Variants in GRM7 observed in about 807,000 individuals in gnomAD.
GRM7 encodes glutamate metabotropic receptor 7, also known as metabotropic glutamate receptor 7.
In GRM7, 35 loss-of-function variants were observed where a neutral mutation model predicts 84.5. The ratio of observed to expected loss-of-function variants is 0.41; its 90% CI spans 0.32 to 0.55. The LOEUF (loss-of-function observed/expected upper bound fraction) is 0.55, where lower values mean the gene tolerates loss of function less well. GRM7 is among the 20% of genes least tolerant of loss of function. The probability of loss-of-function intolerance (pLI) is 0.19; values close to 1 mark genes in which losing one functional copy is unlikely to be tolerated. For missense variants in GRM7, 1,003 were observed against 1,194.6 expected (o/e 0.84, Z 2.36); for synonymous variants, 487 against 455.1 (o/e 1.07, Z -0.89).
At chr3:7,145,364 G>C (rs1694075094) in intron 1 of GRM7, among the ~76,000 whole-genome samples, 1 of 152,086 alleles carries the variant, frequency 6.6e-6, no homozygotes, top group Non-Finnish European at 1.5e-5. Context: ...AGACAAAGAA[G>C]GGAACAAATG....
chr3:7,066,501 A>G (rs1697669985), intron 1 of GRM7, among the ~76,000 whole-genome samples: 1 of 151,922 alleles, frequency 6.6e-6, no homozygotes, highest in African/African-American at 2.4e-5. Context: ...GAACAGACCA[A>G]TAACAAGCAG....
At chr3:7,380,644 C>T (rs77327439) in intron 4 of GRM7, among the ~76,000 whole-genome samples, 1 of 152,150 alleles carries the variant, frequency 6.6e-6, no homozygotes, top group Non-Finnish European at 1.5e-5. Context: ...GATGAGGGCT[C>T]CAGGCCCTCC....
intron 7 of GRM7, among the ~76,000 whole-genome samples, chr3:7,498,856 C>T (rs1699790836): frequency 6.6e-6 from 1 of 152,186 alleles, no homozygotes; most frequent in African/African-American, 2.4e-5. Flanking sequence ...CAGAGCCCTC[C>T]ACTTTCTGTT....
intron 1 of GRM7, among the ~76,000 whole-genome samples, chr3:7,071,421 C>G (rs1283821997): frequency 6.6e-6 from 1 of 152,094 alleles, no homozygotes; most frequent in Admixed American, 6.6e-5. Context: ...ATATTCCATT[C>G]TAGCCATTCC....
At chr3:7,360,131 T>A (rs1378415120) in intron 4 of GRM7, among the ~76,000 whole-genome samples, 2 of 119,234 alleles carry the variant, frequency 1.7e-5, no homozygotes, top group Non-Finnish European at 3.4e-5. Flanking sequence ...CCCCTTTTTT[T>A]TCCCTCTGTG....
At chr3:7,524,527 C>T (rs1160591244) in intron 7 of GRM7, among the ~76,000 whole-genome samples, 1 of 89,598 alleles carries the variant, frequency 1.1e-5, no homozygotes, top group East Asian at 2.6e-4. Context: ...CTCACCATCA[C>T]TGGCCATCAG....
intron 1 of GRM7, among the ~76,000 whole-genome samples, chr3:7,121,932 T>A (rs1693238682): frequency 6.6e-6 from 1 of 152,182 alleles, no homozygotes; most frequent in African/African-American, 2.4e-5. Context: ...CTAGTTATCA[T>A]GAGACCATAT....
chr3:7,505,417 C>T (rs752074937), intron 7 of GRM7, among the ~76,000 whole-genome samples: 1 of 152,216 alleles, frequency 6.6e-6, no homozygotes, highest in Non-Finnish European at 1.5e-5. Context: ...CTCTTAGCAG[C>T]AGCTTTGACT....
intron 9 of GRM7, among the ~76,000 whole-genome samples, chr3:7,737,564 A>G (rs1235372322): frequency 6.6e-6 from 1 of 152,100 alleles, no homozygotes; most frequent in Non-Finnish European, 1.5e-5. Flanking sequence ...CACTTATTTT[A>G]TTTACTCACA....
At chr3:7,560,754 C>G (rs1693983133) in intron 7 of GRM7, among the ~76,000 whole-genome samples, 1 of 152,160 alleles carries the variant, frequency 6.6e-6, no homozygotes, top group Admixed American at 6.6e-5. Context: ...GCTTAAGAAT[C>G]ACCTTTGCTA....
At chr3:7,691,205 CAT>C in intron 9 of GRM7, 1 of 1,152,286 alleles carries the variant, frequency 8.7e-7, no homozygotes, top group African/African-American at 1.6e-5. Flanking sequence ...TGCCCTTTTT[CAT>C]AGTAACCTCT....
rs112345440 is a variant in GRM7 at position 6,974,269 on chromosome 3, G to C, written c.519+112362G>C. Among the ~76,000 whole-genome samples, 1,073 of 152,198 alleles carry C rather than the reference G, an allele frequency of 7.1e-3. 5 individuals carry two copies. Among genetic ancestry groups the C allele is most frequent in the Non-Finnish European group, 0.01 (684 of 68,006 alleles). ...GGGGTAGCAACTGGGGAAAGATCAG[G>C]GTCTGAGTTTTGGAGAAAAAAAATT... On this transcript the variant is annotated intron_variant, in intron 1 of 9. Transcript: ENST00000357716.
At chr3:7,278,314 A>T (rs1699142612) in intron 2 of GRM7, among the ~76,000 whole-genome samples, 1 of 152,062 alleles carries the variant, frequency 6.6e-6, no homozygotes, top group African/African-American at 2.4e-5. Flanking sequence ...TGAATCTAAT[A>T]TAAAAATAAA....
intron 1 of GRM7, among the ~76,000 whole-genome samples, chr3:6,968,181 A>G (rs1344332): frequency 0.072 from 11,024 of 152,128 alleles, 614 homozygotes; most frequent in African/African-American, 0.15. Context: ...TGTTTCATGC[A>G]TATCTCTTAG....
At chr3:7,005,917 C>T (rs1695167845) in intron 1 of GRM7, among the ~76,000 whole-genome samples, 1 of 152,138 alleles carries the variant, frequency 6.6e-6, no homozygotes, top group African/African-American at 2.4e-5. Context: ...TGCCCTGTTT[C>T]TGAGGAATGC....
intron 7 of GRM7, among the ~76,000 whole-genome samples, chr3:7,524,216 T>C (rs1474643392): frequency 6.6e-6 from 1 of 150,904 alleles, no homozygotes; most frequent in Non-Finnish European, 1.5e-5. Flanking sequence ...AAGGACTTCA[T>C]GTCTAAAACA....
At chr3:7,021,252 G>A (rs17046598) in intron 1 of GRM7, among the ~76,000 whole-genome samples, 2,243 of 152,234 alleles carry the variant, frequency 0.015, 54 homozygotes, top group African/African-American at 0.05. Flanking sequence ...ATGTGATCCT[G>A]TATATGCAGT....
At chr3:7,563,364 T>C (rs1226646414) in intron 7 of GRM7, among the ~76,000 whole-genome samples, 1 of 152,160 alleles carries the variant, frequency 6.6e-6, no homozygotes, top group African/African-American at 2.4e-5. Flanking sequence ...AAGTTCTTTC[T>C]TAGGATAGAA....
chr3:7,162,729 A>ATTTTTTTTTT lies in GRM7; in HGVS notation c.736+16100_736+16109dup, dbSNP rs71063284. Among the ~76,000 whole-genome samples, 48 of 54,718 alleles carry ATTTTTTTTTT rather than the reference A, an allele frequency of 8.8e-4. 10 individuals are homozygous for ATTTTTTTTTT. Among genetic ancestry groups the ATTTTTTTTTT allele is most frequent in the East Asian group, 2.6e-3 (4 of 1,520 alleles). 35.9% of individuals were successfully genotyped at this position (54,718 alleles called of 152,430 possible). A position where few individuals can be genotyped will look rare whatever the true frequency, so the allele number is the denominator to read the frequency against. On this transcript the variant is annotated intron_variant, in intron 2 of 9. Transcript: ENST00000357716. ...CAATCTCCCATTACTCCCATTTTTC[A>ATTTTTTTTTT]TTTTTTTTTTTTTTTTTTTTTTTTT...
Sources: gnomAD v4.1 joint callset for allele counts (sites outside exome capture counted in the v4.1 genomes callset) on GRCh38, gnomAD v4.1.1 for gene constraint, MANE v1.5 for transcripts, NCBI Gene and HGNC (gene_info 2026-07-23, HGNC 2026-07-21) for gene names.